Variants in SLC6A4 observed in about 807,000 individuals in gnomAD.
SLC6A4 encodes sodium-dependent serotonin transporter.
In SLC6A4, 22 loss-of-function variants were observed where a neutral mutation model predicts 73.4. The ratio of observed to expected loss-of-function variants is 0.30; its 90% confidence interval spans 0.21 to 0.43. The LOEUF (loss-of-function observed/expected upper bound fraction) is 0.43. SLC6A4 is among the 20% of genes least tolerant of loss of function. SLC6A4 has a pLI of 1.00. For missense variants in SLC6A4, 593 were observed against 808.5 expected (o/e 0.73, Z 3.23); for synonymous variants, 270 against 315.5 (o/e 0.86, Z 1.53).
intron 8 of SLC6A4, among the ~76,000 whole-genome samples, chr17:30,215,365 A>G (rs143192412): frequency 2.0e-5 from 3 of 152,190 alleles, no homozygotes. Context: ...TATATACAGG[A>G]GCGCTGACAA....
intron 9 of SLC6A4, among the ~76,000 whole-genome samples, chr17:30,212,184 T>C (rs539634813): frequency 9.2e-5 from 14 of 152,246 alleles, no homozygotes; most frequent in Non-Finnish European, 1.3e-4. Flanking sequence ...TAAGGATAAA[T>C]GATATTTGCT....
rs1160659813 is a variant in SLC6A4, at chr17:30,198,394, C to T, written c.*62G>A. Reference sequence around the variant, plus strand: ...ATTCACTTGGAGGGGAGAAGGCAGGCGTGCCTCATCAGAACTGGAGGAGGA... The same window carrying T: ...ATTCACTTGGAGGGGAGAAGGCAGGTGTGCCTCATCAGAACTGGAGGAGGA... On this transcript the variant is annotated 3_prime_UTR_variant, in exon 15 of 15. Coordinates refer to ENST00000650711, the MANE Select transcript of SLC6A4 (RefSeq NM_001045.6). 5 of 903,954 alleles carry T rather than the reference C, an allele frequency of 5.5e-6. No homozygotes were observed. The highest frequency in any genetic ancestry group is 1.4e-5 in the South Asian group (1 of 70,260). 56.0% of individuals were successfully genotyped at this position (903,954 alleles called of 1,614,324 possible). A position where few individuals can be genotyped will look rare whatever the true frequency, so the allele number is the denominator to read the frequency against.
chr17:30,231,069 CATT>C (rs754886933), intron 1 of SLC6A4, among the ~76,000 whole-genome samples: 2 of 152,056 alleles, frequency 1.3e-5, no homozygotes, highest in African/African-American at 2.4e-5. Flanking sequence ...AAAAGGACAT[CATT>C]GAGACAGCGG....
chr17:30,195,255 T>TTTTTTG lies in SLC6A4; in HGVS notation c.*3195_*3200dup, dbSNP rs1040017957. ...GTGGTATTAAACCAATTGAGAGGGT[T>TTTTTTG]TTTTTGTTTTTGTTTTTGTTTTTTA... On this transcript the variant is annotated 3_prime_UTR_variant, in exon 15 of 15. Coordinates refer to ENST00000650711, the MANE Select transcript of SLC6A4 (RefSeq NM_001045.6). 5.9e-5 allele frequency: 9 copies of TTTTTTG among 152,472 alleles called. No homozygotes were observed. Among genetic ancestry groups the TTTTTTG allele is most frequent in the Non-Finnish European group, 1.3e-4 (9 of 68,196 alleles). The allele number at this position is 152,472 out of a possible 1,614,324, so 9.4% of individuals were successfully genotyped here.
rs1905899429 is a variant in SLC6A4, at chr17:30,197,439, C to G, written c.*1017G>C. ...TCCTCTCTTCACCGAGCAAAGCAAC[C>G]TGGACAGTCAAACTCAGTCACGTAA... On this transcript the variant is annotated 3_prime_UTR_variant, in exon 15 of 15. Transcript: ENST00000650711. The G allele has an allele frequency of 6.6e-6, 1 of 152,420 alleles. No individual in the cohort carries two copies. The highest frequency in any genetic ancestry group is 1.5e-5 in the Non-Finnish European group (1 of 68,122). The allele number at this position is 152,420 out of a possible 1,614,324, so 9.4% of individuals were successfully genotyped here.
intron 5 of SLC6A4, among the ~76,000 whole-genome samples, 197 bp downstream of exon 5, chr17:30,217,920 AG>A (rs954643720): frequency 2.0e-5 from 3 of 152,206 alleles, no homozygotes; most frequent in Admixed American, 6.5e-5. Flanking sequence ...AGAAAGTGCA[AG>A]GAGGCACAGC....
chr17:30,221,501 A>G (rs1906754756), intron 3 of SLC6A4, 115 bp downstream of exon 3: 1 of 765,150 alleles, frequency 1.3e-6, no homozygotes, highest in Non-Finnish European at 2.0e-6. Flanking sequence ...ATCCCAGGTC[A>G]CAGCCCACCC....
chr17:30,221,576 C>T lies in SLC6A4; in HGVS notation c.343+40G>A, dbSNP rs900929244. Reference sequence around the variant, plus strand: ...ACAGCCCACTCCGGGTCACAGCCCACCCTGGGTCACAGCCTCTACTCGCAG... The same window carrying T: ...ACAGCCCACTCCGGGTCACAGCCCATCCTGGGTCACAGCCTCTACTCGCAG... On this transcript the variant is annotated intron_variant, in intron 3 of 14. Transcript: ENST00000650711. 5.7e-6 allele frequency: 9 copies of T among 1,569,890 alleles called. No homozygotes were observed. The Admixed American group carries it at 1.4e-4, about 24-fold the overall frequency.
chr17:30,216,268 G>A (rs1906571274), intron 6 of SLC6A4, 52 bp from the exon 7 acceptor site: 1 of 672,828 alleles, frequency 1.5e-6, no homozygotes, highest in Non-Finnish European at 2.1e-6. Context: ...GGAGGGGAGG[G>A]GAGGGGAGAA....
intron 1 of SLC6A4, among the ~76,000 whole-genome samples, chr17:30,228,328 T>C (rs1445575698): frequency 1.3e-5 from 2 of 152,238 alleles, no homozygotes; most frequent in Non-Finnish European, 2.9e-5. Flanking sequence ...CATGCTTATC[T>C]CAGTGTCTAG....
In SLC6A4 at chr17:30,218,142, G is replaced by T. The variant is rs200486204; in HGVS notation, c.674C>A (p.Thr225Lys). 1.2e-6 allele frequency: 2 copies of T among 1,614,040 alleles called. No homozygotes were observed. Among genetic ancestry groups the T allele is most frequent in the Non-Finnish European group, 1.7e-6 (2 of 1,179,968 alleles). Residue 225 changes from threonine to lysine, a missense_variant, in exon 5 of 15, where the codon ACG becomes AAG. Transcript: ENST00000650711. ...CGTGTAAAATTCTTCAGCAGGGGAC[G>T]TGGAATGGAGGGTCCAGGTGATGTT... ...EDNITWTLHS[T>K]SPAEEFYTRH...
intron 3 of SLC6A4, among the ~76,000 whole-genome samples, chr17:30,220,758 G>A (rs1200772569): frequency 6.6e-6 from 1 of 152,114 alleles, no homozygotes; most frequent in Non-Finnish European, 1.5e-5. Flanking sequence ...AGGAGTGAAG[G>A]GACTCAGCAC....
At chr17:30,201,020 T>TG (rs1453100653) in intron 14 of SLC6A4, among the ~76,000 whole-genome samples, 1 of 152,114 alleles carries the variant, frequency 6.6e-6, no homozygotes, top group African/African-American at 2.4e-5. Context: ...TGACCTCAGG[T>TG]GACCCATCCA....
chr17:30,221,772 T>C lies in SLC6A4; in HGVS notation c.187A>G (p.Ile63Val), dbSNP rs1362266683. 3.7e-6 allele frequency: 6 copies of C among 1,614,050 alleles called. No homozygotes were observed. The African/African-American group carries it at 4.0e-5, about 11-fold the overall frequency. Residue 63 changes from isoleucine (I) to valine (V), a missense_variant, in exon 3 of 15, where the codon ATC becomes GTC. Transcript: ENST00000650711. ...PGAGDDTRHS[I>V]PATTTTLVAE... ...ACTAGGGTGGTGGTGGTCGCTGGGA[T>C]AGAGTGCCGTGTGTCATCTCCCGCA...
chr17:30,202,099 A>C (rs1176594135), intron 14 of SLC6A4, among the ~76,000 whole-genome samples: 1 of 152,140 alleles, frequency 6.6e-6, no homozygotes, highest in Non-Finnish European at 1.5e-5. Context: ...CTGAAAAAAA[A>C]GAAAGAGCTG....
At position 30,210,661 on chromosome 17, in the gene SLC6A4, C is replaced by A. The variant is rs1235554142; in HGVS notation, c.1318-15G>T. 2 of 1,606,602 alleles carry A rather than the reference C, an allele frequency of 1.2e-6. No individual in the cohort carries two copies. Among genetic ancestry groups the A allele is most frequent in the Non-Finnish European group, 1.7e-6 (2 of 1,176,090 alleles). On this transcript the variant is annotated splice_polypyrimidine_tract_variant and intron_variant, in intron 10 of 14. Coordinates refer to ENST00000650711, the MANE Select transcript of SLC6A4 (RefSeq NM_001045.6). ...AAGCCTGCAAACTGAGAGGTACAGG[C>A]AAGCAGTCACGGTGGAGGCTTTGGG...
intron 11 of SLC6A4, among the ~76,000 whole-genome samples, chr17:30,209,507 C>T (rs910447571): frequency 1.2e-4 from 19 of 152,148 alleles, no homozygotes; most frequent in African/African-American, 2.4e-4. Flanking sequence ...ATTAGCCAGG[C>T]GTGGTGGCAC....
intron 1 of SLC6A4, among the ~76,000 whole-genome samples, chr17:30,232,853 C>T (rs1451220023): frequency 2.0e-5 from 3 of 152,216 alleles, no homozygotes; most frequent in Non-Finnish European, 4.4e-5. Context: ...ACGTTTCTCA[C>T]AGGGCAACAT....
At chr17:30,199,066 G>A (rs1286454182) in intron 14 of SLC6A4, among the ~76,000 whole-genome samples, 1 of 152,150 alleles carries the variant, frequency 6.6e-6, no homozygotes, top group Non-Finnish European at 1.5e-5. Flanking sequence ...GTTCATATGA[G>A]AGTATAAATT....
Sources: allele counts gnomAD v4.1 joint callset (sites outside exome capture counted in the v4.1 genomes callset), GRCh38; gene constraint gnomAD v4.1.1; transcripts MANE v1.5; gene names NCBI Gene and HGNC (gene_info 2026-07-23, HGNC 2026-07-21).